The following HNF1B variants were observed in gnomAD, a reference collection of about 807,000 sequenced individuals.
HNF1B encodes the protein HNF1 homeobox B, also known as hepatocyte nuclear factor 1-beta.
Under a neutral mutation model 61.7 loss-of-function variants are expected in HNF1B, and 8 were observed. That is an observed-to-expected ratio of 0.13 (90% CI 0.08 to 0.23). The LOEUF is 0.23. Among genes scored for constraint, HNF1B ranks in the 10% least tolerant of loss-of-function variants. The probability of loss-of-function intolerance (pLI) is 1.00; values close to 1 mark genes in which losing one functional copy is unlikely to be tolerated. For missense variants in HNF1B, 562 were observed against 714.5 expected (o/e 0.79, Z 2.43); for synonymous variants, 314 against 287.7 (o/e 1.09, Z -0.93).
chr17:37,695,329 A>C (rs2032348085), intron 8 of HNF1B, among the ~76,000 whole-genome samples: 1 of 152,244 alleles, frequency 6.6e-6, no homozygotes, highest in African/African-American at 2.4e-5. Flanking sequence ...GCAAGAGTGA[A>C]GGAGGTTTGG....
intron 8 of HNF1B, among the ~76,000 whole-genome samples, chr17:37,697,913 C>A (rs1312618082): frequency 2.6e-5 from 4 of 152,148 alleles, no homozygotes; most frequent in African/African-American, 7.2e-5. Flanking sequence ...TCAGAAAAAG[C>A]AGATGTTACA....
chr17:37,735,481 G>A (rs2033807229), intron 2 of HNF1B, among the ~76,000 whole-genome samples: 1 of 152,102 alleles, frequency 6.6e-6, no homozygotes, highest in Non-Finnish European at 1.5e-5. Context: ...CTTTGATTTC[G>A]GCCCATTCAC....
chr17:37,744,515 T>A (rs772374785), intron 1 of HNF1B, 26 bp downstream of exon 1: 1 of 1,596,838 alleles, frequency 6.3e-7, no homozygotes, highest in Non-Finnish European at 8.5e-7. Context: ...TTCGGGTGGG[T>A]CCCCTCCACC....
At chr17:37,722,287 T>C (rs1160678064) in intron 4 of HNF1B, among the ~76,000 whole-genome samples, 1 of 152,326 alleles carries the variant, frequency 6.6e-6, no homozygotes, top group East Asian at 1.9e-4. Flanking sequence ...GTCAATTCAA[T>C]AATACTGTAA....
intron 8 of HNF1B, among the ~76,000 whole-genome samples, chr17:37,693,537 C>T (rs922694197): frequency 7.9e-5 from 12 of 152,164 alleles, no homozygotes; most frequent in African/African-American, 1.9e-4. Flanking sequence ...GCAGGGTGCA[C>T]GCTAATTGCC....
chr17:37,728,212 G>A (rs2147530730), intron 4 of HNF1B, among the ~76,000 whole-genome samples: 1 of 151,770 alleles, frequency 6.6e-6, no homozygotes. Flanking sequence ...ATGTTGGTCA[G>A]GCTGGTCTCA....
At chr17:37,702,522 G>A (rs892189186) in intron 6 of HNF1B, among the ~76,000 whole-genome samples, 8 of 152,262 alleles carry the variant, frequency 5.3e-5, no homozygotes, top group South Asian at 2.1e-4. Flanking sequence ...CCTGATGACC[G>A]ATGACCGTGT....
chr17:37,739,487 G>A lies in HNF1B; in HGVS notation c.497C>T (p.Ala166Val), dbSNP rs750453345. 6.2e-7 allele frequency: 1 copy of A among 1,614,172 alleles called. No homozygotes were observed. The highest frequency in any genetic ancestry group is 8.5e-7 in the Non-Finnish European group (1 of 1,180,040). Residue 166 changes from alanine to valine, a missense_variant, in exon 2 of 9, where the codon GCC becomes GTC. Ala to Val is a moderately conservative substitution (Grantham distance 64). Coordinates refer to ENST00000617811, the MANE Select transcript of HNF1B (RefSeq NM_000458.4). ...KGTPMKTQKR[A>V]ALYTWYVRKQ... ...TCTGACGTACCAGGTGTACAGAGCG[G>A]CACGCTTCTGGGTCTTCATAGGGGT... is the stretch of plus-strand genomic sequence containing the variant.
At chr17:37,702,936 C>T (rs2032619746) in intron 6 of HNF1B, among the ~76,000 whole-genome samples, 1 of 152,198 alleles carries the variant, frequency 6.6e-6, no homozygotes, top group Non-Finnish European at 1.5e-5. Context: ...TTTCTGGGCA[C>T]TGGTTCTTGC....
chr17:37,728,439 T>G (rs2033577611), intron 4 of HNF1B, among the ~76,000 whole-genome samples: 1 of 151,976 alleles, frequency 6.6e-6, no homozygotes, highest in African/African-American at 2.4e-5. Flanking sequence ...CCCAAGTAGC[T>G]GGGACTACAG....
intron 5 of HNF1B, among the ~76,000 whole-genome samples, chr17:37,705,961 A>T (rs902865383): frequency 3.9e-5 from 6 of 151,960 alleles, no homozygotes; most frequent in African/African-American, 1.2e-4. Context: ...TTTCAAAATA[A>T]TTTTTTTCTT....
intron 4 of HNF1B, among the ~76,000 whole-genome samples, 156 bp from the exon 5 acceptor site, chr17:37,710,819 A>G (rs2032910988): frequency 6.6e-6 from 1 of 152,230 alleles, no homozygotes. Flanking sequence ...GCTTTTCTCC[A>G]GGGTAAATAT....
At chr17:37,739,391 G>A (rs1292297940) in intron 2 of HNF1B, 49 bp downstream of exon 2, 1 of 1,566,270 alleles carries the variant, frequency 6.4e-7, no homozygotes, top group East Asian at 2.2e-5. Flanking sequence ...TGGGGTGAGA[G>A]GGCAAAGGTC....
intron 5 of HNF1B, among the ~76,000 whole-genome samples, chr17:37,706,983 A>G (rs948406130): frequency 3.3e-5 from 5 of 152,224 alleles, no homozygotes; most frequent in African/African-American, 2.4e-5. Context: ...GACTATTTCT[A>G]TGTCACTTGA....
chr17:37,703,245 T>C (rs932884004), intron 6 of HNF1B, among the ~76,000 whole-genome samples: 2 of 152,224 alleles, frequency 1.3e-5, no homozygotes, highest in African/African-American at 4.8e-5. Context: ...TACACAGATA[T>C]GTACACACAC....
At position 37,699,567 on chromosome 17, in the gene HNF1B, G is replaced by A. The variant is rs181564923; in HGVS notation, c.1535-373C>T. Among the ~76,000 whole-genome samples, 344 of 152,296 alleles carry A rather than the reference G, an allele frequency of 2.3e-3. 3 individuals are homozygous for A. Among genetic ancestry groups the A allele is most frequent in the East Asian group, 0.014 (72 of 5,182 alleles). ...CACCATGGGCTCTCTCTTCATGGGCGGCCAGGCCTGCTGGGCCTCAGCAGT... is the reference window on the plus strand; with the variant it reads ...CACCATGGGCTCTCTCTTCATGGGCAGCCAGGCCTGCTGGGCCTCAGCAGT... On this transcript the variant is annotated intron_variant, in intron 7 of 8. Coordinates refer to ENST00000617811, the MANE Select transcript of HNF1B (RefSeq NM_000458.4).
chr17:37,726,806 C>T (rs1457335288), intron 4 of HNF1B, among the ~76,000 whole-genome samples: 1 of 152,160 alleles, frequency 6.6e-6, no homozygotes, highest in Non-Finnish European at 1.5e-5. Flanking sequence ...GGCTATGGTT[C>T]GGGACCCCTG....
At chr17:37,699,048 C>T (rs1272910520) in intron 8 of HNF1B, 28 bp downstream of exon 8, 1 of 1,541,486 alleles carries the variant, frequency 6.5e-7, no homozygotes, top group Admixed American at 1.7e-5. Context: ...GCCCACACCC[C>T]AACCCCCGCA....
chr17:37,739,663 G>C (rs1463548906), intron 1 of HNF1B, 24 bp from the exon 2 acceptor site: 4 of 1,565,146 alleles, frequency 2.6e-6, no homozygotes, highest in African/African-American at 1.4e-5. Context: ...CAGATGGTTA[G>C]GGTACTAGTG....
Sources: allele counts gnomAD v4.1 joint callset (sites outside exome capture counted in the v4.1 genomes callset), GRCh38; gene constraint gnomAD v4.1.1; transcripts MANE v1.5; gene names NCBI Gene and HGNC (gene_info 2026-07-23, HGNC 2026-07-21).